FAM13C: variants seen among roughly 807,000 people sequenced by gnomAD.
The protein encoded by FAM13C is family with sequence similarity 13 member C, also known as protein FAM13C.
Under a neutral mutation model 73.2 loss-of-function variants are expected in FAM13C, and 37 were observed. The observed-to-expected ratio is 0.51, with a 90% CI of 0.39 to 0.67. The LOEUF is 0.67. Ranked by LOEUF, FAM13C falls within the 30% of genes least tolerant of loss-of-function variation. FAM13C has a pLI of 0.00. For missense variants in FAM13C, 589 were observed against 715.6 expected (o/e 0.82, Z 2.02); for synonymous variants, 246 against 260.9 (o/e 0.94, Z 0.55).
At chr10:59,362,885 CAT>C (rs1036704751), upstream of FAM13C, 2 of 210,478 alleles carry the variant, frequency 9.5e-6, no homozygotes, top group South Asian at 9.7e-5. Context: ...CTTTCTTCCA[CAT>C]GTCTCCTACC....
chr10:59,290,675 T>C (rs1456456258), intron 5 of FAM13C, among the ~76,000 whole-genome samples: 1 of 152,184 alleles, frequency 6.6e-6, no homozygotes, highest in Non-Finnish European at 1.5e-5. Flanking sequence ...TAGCATCTTG[T>C]TTATTTCCTT....
chr10:59,295,102 G>A (rs1484812338), intron 5 of FAM13C, among the ~76,000 whole-genome samples: 1 of 152,230 alleles, frequency 6.6e-6, no homozygotes. Flanking sequence ...TCAGACTGAA[G>A]TATGGGACTT....
At chr10:59,330,016 T>C (rs2134089066) in intron 3 of FAM13C, among the ~76,000 whole-genome samples, 1 of 152,318 alleles carries the variant, frequency 6.6e-6, no homozygotes, top group South Asian at 2.1e-4. Context: ...AAGACTATTC[T>C]CATGACAGCG....
rs777090150 is a variant in FAM13C, at chr10:59,352,281, C to T, written c.313G>A (p.Gly105Arg). The change falls in exon 3 of 14, where the codon GGA (glycine) becomes AGA (arginine). Residue 105 changes from glycine (G) to arginine (R), a missense_variant. Physicochemically the swap from Gly to Arg is moderately radical, Grantham distance 125 (BLOSUM62 -2). Coordinates refer to ENST00000618804, the MANE Select transcript of FAM13C (RefSeq NM_198215.4). Reference sequence around the variant, plus strand: ...GAGAGAGCTGCTACCTGACTTTCTCCGTGGCTCCTCCCGCTCTCCGCTTTG... The same window carrying T: ...GAGAGAGCTGCTACCTGACTTTCTCTGTGGCTCCTCCCGCTCTCCGCTTTG... ...IFKAESGRSHGESQETEHVVS... is the reference protein window; with the variant it reads ...IFKAESGRSHRESQETEHVVS... The T allele has an allele frequency of 5.0e-6, 8 of 1,613,854 alleles. No homozygotes were observed. The highest frequency in any genetic ancestry group is 2.2e-5 in the East Asian group (1 of 44,860).
At chr10:59,331,572 A>G (rs1564596703) in intron 3 of FAM13C, among the ~76,000 whole-genome samples, 1 of 152,164 alleles carries the variant, frequency 6.6e-6, no homozygotes, top group Non-Finnish European at 1.5e-5. Context: ...ACTGAATATT[A>G]TAAGTAAGGC....
At chr10:59,262,666 T>C in intron 9 of FAM13C, 21 bp from the exon 10 acceptor site, 3 of 1,598,562 alleles carry the variant, frequency 1.9e-6, no homozygotes, top group Non-Finnish European at 2.6e-6. Context: ...TGCTATGAGT[T>C]ATCATAAGCA....
intron 4 of FAM13C, among the ~76,000 whole-genome samples, chr10:59,312,432 C>T (rs996219889): frequency 6.6e-6 from 1 of 152,152 alleles, no homozygotes; most frequent in African/African-American, 2.4e-5. Flanking sequence ...TCACCAGCAC[C>T]TCCCACAGGG....
intron 3 of FAM13C, among the ~76,000 whole-genome samples, chr10:59,329,649 C>T (rs1005543272): frequency 3.3e-5 from 5 of 152,036 alleles, no homozygotes; most frequent in Admixed American, 6.6e-5. Flanking sequence ...TAAGCAACTG[C>T]GCCTGGACTG....
chr10:59,349,314 A>T (rs887026921), intron 3 of FAM13C, among the ~76,000 whole-genome samples: 13 of 152,190 alleles, frequency 8.5e-5, no homozygotes. Flanking sequence ...ATAGTAAAGG[A>T]CCAGACACTT....
chr10:59,268,611 C>G lies in FAM13C; in HGVS notation c.884G>C (p.Ser295Thr). The G allele has an allele frequency of 1.2e-6, 2 of 1,613,746 alleles. No homozygotes were observed. The highest frequency in any genetic ancestry group is 1.7e-6 in the Non-Finnish European group (2 of 1,179,828). ...TITQLTKHIQ[S>T]LKRKIRKFEE... ...AAATTTCCGAATTTTCCGCTTGAGG[C>G]TCTGGATGTGCTTGGTGAGCTGGGT... Residue 295 changes from serine to threonine, a missense_variant, in exon 8 of 14, where the codon AGC (serine) becomes ACC (threonine). Coordinates refer to ENST00000618804, the MANE Select transcript of FAM13C (RefSeq NM_198215.4).
intron 3 of FAM13C, among the ~76,000 whole-genome samples, chr10:59,333,419 G>A (rs1347100241): frequency 2.0e-5 from 3 of 152,066 alleles, no homozygotes; most frequent in Middle Eastern, 3.2e-3. Flanking sequence ...ACCTGTGAGA[G>A]GGAGTTTGCA....
intron 3 of FAM13C, among the ~76,000 whole-genome samples, chr10:59,343,624 T>C (rs1272711463): frequency 1.3e-5 from 2 of 152,214 alleles, no homozygotes; most frequent in East Asian, 3.8e-4. Context: ...TGTGTGTTAC[T>C]TCAGGCCTGG....
Position 59,247,713 on chromosome 10 carries a change from T to C in FAM13C, c.1659A>G (p.Ile553Met). ...ATTCATAATACTCATCTGCCATTGG[T>C]ATCCTATCTTCCTTTTGTGGACTTC... ...TGRSPQKEDRIPMADEYYEYK... is the reference protein window; with the variant it reads ...TGRSPQKEDRMPMADEYYEYK... Residue 553 changes from isoleucine (I) to methionine (M), a missense_variant, in exon 14 of 14, where the codon ATA becomes ATG. Physicochemically the swap from Ile to Met is conservative, Grantham distance 10. Transcript: ENST00000618804. 6.2e-7 allele frequency: 1 copy of C among 1,612,902 alleles called. No homozygotes were observed.
chr10:59,257,430 T>C (rs1351656535), intron 10 of FAM13C, among the ~76,000 whole-genome samples: 1 of 152,242 alleles, frequency 6.6e-6, no homozygotes, highest in Non-Finnish European at 1.5e-5. Flanking sequence ...CTTTCCCGCA[T>C]GGGAGTGGTG....
At position 59,283,390 on chromosome 10, in the gene FAM13C, C is replaced by T. The variant is rs369435988; in HGVS notation, c.565G>A (p.Val189Met). 2.7e-5 allele frequency: 44 copies of T among 1,614,204 alleles called. No homozygotes were observed. Among genetic ancestry groups the T allele is most frequent in the Middle Eastern group, 1.6e-4 (1 of 6,062 alleles). ...KDPAPASTQS[V>M]LADGTDSADP... ...GCAGAATCTGTCCCATCGGCAAGCACGCTCTGGGTTGATGCTGGCGCCGGG... is the reference window on the plus strand; with the variant it reads ...GCAGAATCTGTCCCATCGGCAAGCATGCTCTGGGTTGATGCTGGCGCCGGG... Residue 189 changes from valine (V) to methionine (M), a missense_variant, in exon 6 of 14, where the codon GTG becomes ATG. By Grantham distance (21) the Val-to-Met change is conservative. Transcript: ENST00000618804.
chr10:59,284,103 G>A (rs1845261057), intron 5 of FAM13C, among the ~76,000 whole-genome samples: 1 of 151,920 alleles, frequency 6.6e-6, no homozygotes, highest in African/African-American at 2.4e-5. Context: ...AGAAAAGGGT[G>A]GAGGGAGATG....
intron 10 of FAM13C, among the ~76,000 whole-genome samples, chr10:59,261,832 T>C: frequency 6.6e-6 from 1 of 152,124 alleles, no homozygotes; most frequent in East Asian, 1.9e-4. Flanking sequence ...AGTCTTTTCT[T>C]CTTTGTAAAA....
intron 3 of FAM13C, among the ~76,000 whole-genome samples, chr10:59,350,611 A>G (rs757512138): frequency 1.3e-5 from 2 of 152,178 alleles, no homozygotes; most frequent in Non-Finnish European, 2.9e-5. Flanking sequence ...CAAGAGTTAC[A>G]CTCTGTTTAA....
At position 59,268,729 on chromosome 10, in the gene FAM13C, G is replaced by C. The variant is rs768306930; in HGVS notation, c.804-38C>G. On this transcript the variant is annotated intron_variant, in intron 7 of 13. Coordinates refer to ENST00000618804, the MANE Select transcript of FAM13C (RefSeq NM_198215.4). Reference sequence around the variant, plus strand: ...CAAGGAGGAAGGAGTATCAAAAACAGTGGGCTTCCAGTAAACAGTTCTGTT... The same window carrying C: ...CAAGGAGGAAGGAGTATCAAAAACACTGGGCTTCCAGTAAACAGTTCTGTT... 7 of 1,598,766 alleles carry C rather than the reference G, an allele frequency of 4.4e-6. No homozygotes were observed. In the Admixed American group the frequency reaches 1.2e-4, roughly 28 times the overall value.
Sources: gnomAD v4.1 joint callset for allele counts (sites outside exome capture counted in the v4.1 genomes callset) on GRCh38, gnomAD v4.1.1 for gene constraint, MANE v1.5 for transcripts, NCBI Gene and HGNC (gene_info 2026-07-23, HGNC 2026-07-21) for gene names.